DMRT1: variants seen among roughly 807,000 people sequenced by gnomAD.
DMRT1 encodes the protein doublesex and mab-3 related transcription factor 1.
Under a neutral mutation model 32.3 loss-of-function variants are expected in DMRT1, and 7 were observed. The observed-to-expected ratio is 0.22, with a 90% CI of 0.12 to 0.41. DMRT1 has a LOEUF of 0.41. DMRT1 is among the 10% of genes least tolerant of loss of function. DMRT1 has a pLI of 1.00. For missense variants in DMRT1, 625 were observed against 500.5 expected, an observed-to-expected ratio of 1.25 and a Z score of -2.37; for synonymous variants, 278 against 206.1, an observed-to-expected ratio of 1.35 and a Z score of -2.99.
At chr9:928,968 G>A (rs1203908130) in intron 4 of DMRT1, among the ~76,000 whole-genome samples, 1 of 151,884 alleles carries the variant, frequency 6.6e-6, no homozygotes, top group Non-Finnish European at 1.5e-5. Flanking sequence ...CTCCTGAGTA[G>A]CTGGGACTAC....
intron 2 of DMRT1, among the ~76,000 whole-genome samples, chr9:865,044 A>G (rs1470222881): frequency 6.6e-6 from 1 of 152,192 alleles, no homozygotes; most frequent in Non-Finnish European, 1.5e-5. Flanking sequence ...TGAGCATGGA[A>G]TTAGAATGCA....
At chr9:871,041 C>T (rs1377447074) in intron 2 of DMRT1, among the ~76,000 whole-genome samples, 1 of 151,814 alleles carries the variant, frequency 6.6e-6, no homozygotes, top group Non-Finnish European at 1.5e-5. Flanking sequence ...TATTGGGTTT[C>T]AGGGGGTCTT....
At chr9:861,603 G>A (rs1182235642) in intron 2 of DMRT1, among the ~76,000 whole-genome samples, 2 of 149,666 alleles carry the variant, frequency 1.3e-5, no homozygotes, top group South Asian at 2.1e-4. Flanking sequence ...GGTGGCGGCC[G>A]GGCAGAGGGG....
chr9:951,486 A>G (rs958606045), intron 4 of DMRT1, among the ~76,000 whole-genome samples: 3 of 152,236 alleles, frequency 2.0e-5, no homozygotes, highest in African/African-American at 4.8e-5. Context: ...TGTATACTGA[A>G]TGGTACAGAT....
intron 1 of DMRT1, among the ~76,000 whole-genome samples, chr9:845,519 T>G (rs907247936): frequency 2.0e-5 from 3 of 152,160 alleles, no homozygotes; most frequent in African/African-American, 7.2e-5. Context: ...TTTTTCAATC[T>G]TTAACGGTGT....
At chr9:906,667 C>T (rs947510717) in intron 3 of DMRT1, among the ~76,000 whole-genome samples, 4 of 151,992 alleles carry the variant, frequency 2.6e-5, no homozygotes, top group East Asian at 3.9e-4. Flanking sequence ...CCTAAATGTG[C>T]GGTTGTGGGC....
intron 2 of DMRT1, among the ~76,000 whole-genome samples, chr9:890,779 A>G (rs1207051779): frequency 1.3e-5 from 2 of 152,000 alleles, no homozygotes; most frequent in African/African-American, 2.4e-5. Flanking sequence ...CAGTGACGCG[A>G]TCTCTGCTCA....
chr9:869,481 C>T (rs1012534608), intron 2 of DMRT1, among the ~76,000 whole-genome samples: 9 of 152,208 alleles, frequency 5.9e-5, no homozygotes, highest in African/African-American at 1.2e-4. Context: ...GTCTCCGGGT[C>T]ATTGCTCCTA....
intron 3 of DMRT1, among the ~76,000 whole-genome samples, chr9:895,623 A>T (rs151315734): frequency 6.6e-6 from 1 of 152,192 alleles, no homozygotes; most frequent in African/African-American, 2.4e-5. Context: ...AATGATTGCC[A>T]CAATTAAGCT....
chr9:967,954 TTC>T (rs1402062819), intron 4 of DMRT1, 29 bp from the exon 5 acceptor site: 2 of 1,608,724 alleles, frequency 1.2e-6, no homozygotes, highest in African/African-American at 2.7e-5. Context: ...CTTTCTCCCT[TTC>T]TCTCTTTCTC....
At chr9:844,586 A>G (rs1400051320) in intron 1 of DMRT1, among the ~76,000 whole-genome samples, 15 of 152,040 alleles carry the variant, frequency 9.9e-5, no homozygotes, top group Admixed American at 9.2e-4. Flanking sequence ...ATTATTTAAG[A>G]TGAATTTTTC....
At chr9:863,037 G>C (rs992005114) in intron 2 of DMRT1, among the ~76,000 whole-genome samples, 4 of 151,630 alleles carry the variant, frequency 2.6e-5, no homozygotes, top group Non-Finnish European at 5.9e-5. Flanking sequence ...AGAGCTCCCT[G>C]GGTGTGGTAG....
At chr9:933,469 C>T (rs982344625) in intron 4 of DMRT1, among the ~76,000 whole-genome samples, 1 of 152,162 alleles carries the variant, frequency 6.6e-6, no homozygotes, top group Non-Finnish European at 1.5e-5. Flanking sequence ...TAAGCCGATG[C>T]TGAATAGAGA....
chr9:908,468 T>TA (rs958369473), intron 3 of DMRT1, among the ~76,000 whole-genome samples: 79 of 151,534 alleles, frequency 5.2e-4, no homozygotes, highest in Admixed American at 4.9e-3. Flanking sequence ...AAAATGTTTT[T>TA]TTAAAAAAGA....
intron 4 of DMRT1, among the ~76,000 whole-genome samples, chr9:938,931 G>A (rs950315854): frequency 6.6e-6 from 1 of 152,136 alleles, no homozygotes; most frequent in Non-Finnish European, 1.5e-5. Flanking sequence ...TTGTTTTCTG[G>A]ACTCTTTAAT....
At chr9:895,744 G>A (rs1435317646) in intron 3 of DMRT1, among the ~76,000 whole-genome samples, 1 of 149,754 alleles carries the variant, frequency 6.7e-6, no homozygotes, top group African/African-American at 2.5e-5. Context: ...ATATTATTAA[G>A]TACAGTCACC....
chr9:948,220 G>A (rs1819310120), intron 4 of DMRT1, among the ~76,000 whole-genome samples: 1 of 152,162 alleles, frequency 6.6e-6, no homozygotes, highest in South Asian at 2.1e-4. Context: ...CCCAGCCCCG[G>A]CCTGCTCAGG....
chr9:880,579 G>A (rs57785385), intron 2 of DMRT1, among the ~76,000 whole-genome samples: 4,882 of 151,750 alleles, frequency 0.032, 281 homozygotes, highest in African/African-American at 0.11. Context: ...ATACAAAATT[G>A]CCTGGGCATG....
At chr9:908,396 T>G (rs532791543) in intron 3 of DMRT1, among the ~76,000 whole-genome samples, 34 of 152,330 alleles carry the variant, frequency 2.2e-4, no homozygotes, top group African/African-American at 8.2e-4. Context: ...AGATTGAGGC[T>G]GCAGTGAGCT....
Sources: gnomAD v4.1 joint callset for allele counts (sites outside exome capture counted in the v4.1 genomes callset) on GRCh38, gnomAD v4.1.1 for gene constraint, MANE v1.5 for transcripts, NCBI Gene and HGNC (gene_info 2026-07-23, HGNC 2026-07-21) for gene names.